MRAP2: variants seen among roughly 807,000 people sequenced by gnomAD.
MRAP2 encodes the protein melanocortin-2 receptor accessory protein 2.
Under a neutral mutation model 17.4 loss-of-function variants are expected in MRAP2, and 20 were observed. That is an observed-to-expected ratio of 1.15 (90% CI 0.81 to 1.67). The LOEUF (loss-of-function observed/expected upper bound fraction) is 1.67, where lower values mean the gene tolerates loss of function less well. Ranked by LOEUF, MRAP2 falls within the 40% of genes most tolerant of loss-of-function variation. The pLI is 0.00. For synonymous variants in MRAP2, 96 were observed against 88.4 expected, an observed-to-expected ratio of 1.09 and a Z score of -0.48; for missense variants, 238 against 240.0, an observed-to-expected ratio of 0.99 and a Z score of 0.05.
the MRAP2 span, chr6:84,125,155 A>G: frequency 1.9e-6 from 3 of 1,613,520 alleles, no homozygotes; most frequent in Admixed American, 1.7e-5. Context: ...AACATCTAAT[A>G]TTGAGTCTAG....
intron 3 of MRAP2, among the ~76,000 whole-genome samples, chr6:84,067,431 C>A (rs576234436): frequency 1.3e-5 from 2 of 152,278 alleles, no homozygotes; most frequent in African/African-American, 4.8e-5. Context: ...GGTAGACCTA[C>A]TTTTAGTTCT....
the MRAP2 span, among the ~76,000 whole-genome samples, chr6:84,097,058 G>T: frequency 2.6e-5 from 4 of 152,144 alleles, no homozygotes; most frequent in Non-Finnish European, 5.9e-5. Flanking sequence ...AATATCATAA[G>T]TCGGGTTACT....
the MRAP2 span, among the ~76,000 whole-genome samples, chr6:84,119,373 A>C: frequency 1.3e-5 from 2 of 152,146 alleles, no homozygotes; most frequent in Non-Finnish European, 2.9e-5. Flanking sequence ...GTTGTTGTGC[A>C]ATTATTCAAC....
the MRAP2 span, among the ~76,000 whole-genome samples, chr6:84,121,585 A>C: frequency 2.0e-5 from 3 of 152,142 alleles, no homozygotes; most frequent in African/African-American, 7.2e-5. Context: ...CGGAGGTTGT[A>C]GTGAGCCGAG....
intron 3 of MRAP2, among the ~76,000 whole-genome samples, chr6:84,071,734 T>G (rs1424016845): frequency 2.0e-5 from 3 of 152,178 alleles, no homozygotes; most frequent in Admixed American, 2.0e-4. Context: ...TAGGTTTCAT[T>G]GTTTAACATA....
chr6:84,133,778 C>T, the MRAP2 span, among the ~76,000 whole-genome samples: 1 of 152,152 alleles, frequency 6.6e-6, no homozygotes, highest in East Asian at 1.9e-4. Flanking sequence ...CTTCCCTTGG[C>T]TAGGAAAGGG....
rs920334767 is a variant in MRAP2 at position 84,090,399 on chromosome 6, G to A, written c.*918G>A. On this transcript the variant is annotated 3_prime_UTR_variant, in exon 4 of 4. Transcript: ENST00000257776. ...CTTCTGAGAACTTCCAACCACCCAT[G>A]CTCTAACCTGGAGACAGCCATCCCC... is the stretch of plus-strand genomic sequence containing the variant. The A allele has an allele frequency of 2.6e-5, 4 of 152,178 alleles. No homozygotes were observed. Among genetic ancestry groups the A allele is most frequent in the African/African-American group, 7.2e-5 (3 of 41,414 alleles). 9.4% of individuals were successfully genotyped at this position (152,178 alleles called of 1,614,324 possible).
intron 1 of MRAP2, among the ~76,000 whole-genome samples, chr6:84,036,406 A>G (rs2099485992): frequency 6.6e-6 from 1 of 152,178 alleles, no homozygotes; most frequent in African/African-American, 2.4e-5. Flanking sequence ...ACTGACTTCA[A>G]GAATGAAGCC....
At chr6:84,045,847 C>T (rs2099488890) in intron 1 of MRAP2, among the ~76,000 whole-genome samples, 2 of 152,060 alleles carry the variant, frequency 1.3e-5, no homozygotes, top group South Asian at 4.1e-4. Flanking sequence ...ACATACACAC[C>T]CATAATACAA....
chr6:84,114,298 T>C, the MRAP2 span, among the ~76,000 whole-genome samples: 3 of 152,122 alleles, frequency 2.0e-5, no homozygotes, highest in Non-Finnish European at 4.4e-5. Context: ...TTTTCTCTAA[T>C]CTTGTTTTCA....
chr6:84,090,311 CA>C lies in MRAP2; in HGVS notation c.*831del, dbSNP rs1311645505. ...GGGATCTGGTTGTCTACCAGAATGT[CA>C]GGAGACTCATCTTACACAGTCATGG... On this transcript the variant is annotated 3_prime_UTR_variant, in exon 4 of 4. Coordinates refer to ENST00000257776, the MANE Select transcript of MRAP2 (RefSeq NM_138409.4). The C allele has an allele frequency of 6.6e-6, 1 of 152,202 alleles. No individual in the cohort carries two copies. Among genetic ancestry groups the C allele is most frequent in the Middle Eastern group, 3.2e-3 (1 of 316 alleles). 9.4% of individuals were successfully genotyped at this position (152,202 alleles called of 1,614,324 possible).
intron 1 of MRAP2, among the ~76,000 whole-genome samples, chr6:84,041,310 C>T (rs2099487508): frequency 6.6e-6 from 1 of 152,224 alleles, no homozygotes; most frequent in South Asian, 2.1e-4. Flanking sequence ...CCTGGATGTC[C>T]AGCCAGAAGT....
At chr6:84,050,963 A>T (rs1218313871) in intron 1 of MRAP2, among the ~76,000 whole-genome samples, 1 of 152,130 alleles carries the variant, frequency 6.6e-6, no homozygotes, top group African/African-American at 2.4e-5. Context: ...AGTTGTGTGC[A>T]TGTTTGTGTG....
the MRAP2 span, among the ~76,000 whole-genome samples, chr6:84,096,323 A>G: frequency 6.6e-6 from 1 of 152,194 alleles, no homozygotes; most frequent in African/African-American, 2.4e-5. Flanking sequence ...CCTTGGGTAT[A>G]CATTTATGAT....
chr6:84,135,439 G>A, the MRAP2 span, among the ~76,000 whole-genome samples: 11 of 152,178 alleles, frequency 7.2e-5, no homozygotes, highest in African/African-American at 2.4e-4. Context: ...CAATCTGTGC[G>A]TAGCCCAGAG....
At chr6:84,094,720 T>A (rs1429490922), downstream of MRAP2, among the ~76,000 whole-genome samples, 2 of 151,676 alleles carry the variant, frequency 1.3e-5, no homozygotes, top group South Asian at 2.1e-4. Flanking sequence ...TGACATGGAG[T>A]CTCACTCTGT....
chr6:84,116,904 A>G, the MRAP2 span, among the ~76,000 whole-genome samples: 1 of 151,772 alleles, frequency 6.6e-6, no homozygotes, highest in Non-Finnish European at 1.5e-5. Context: ...TTTTTTTGAG[A>G]ATTTTTGCAT....
chr6:84,093,112 G>A (rs1158375296), downstream of MRAP2, among the ~76,000 whole-genome samples: 1 of 152,132 alleles, frequency 6.6e-6, no homozygotes, highest in African/African-American at 2.4e-5. Context: ...AGAATTTTGG[G>A]AGTCTGATAG....
chr6:84,095,205 C>T (rs116523304), downstream of MRAP2, among the ~76,000 whole-genome samples: 159 of 152,280 alleles, frequency 1.0e-3, no homozygotes, highest in African/African-American at 3.3e-3. Context: ...AAGCAAACCT[C>T]CCTGGCCTTT....
Sources: allele counts gnomAD v4.1 joint callset (sites outside exome capture counted in the v4.1 genomes callset), GRCh38; gene constraint gnomAD v4.1.1; transcripts MANE v1.5; gene names NCBI Gene and HGNC (gene_info 2026-07-23, HGNC 2026-07-21).